The following CD207 variants were observed in gnomAD, a reference collection of about 807,000 sequenced individuals.
CD207 encodes the protein C-type lectin domain family 4 member K.
In CD207, 28 loss-of-function variants were observed where a neutral mutation model predicts 31.6. The ratio of observed to expected loss-of-function variants is 0.89; its 90% confidence interval spans 0.66 to 1.21. The LOEUF (loss-of-function observed/expected upper bound fraction) is 1.21. CD207 is among the 50% of genes most tolerant of loss of function. The probability of loss-of-function intolerance (pLI) is 0.00; values close to 1 mark genes in which losing one functional copy is unlikely to be tolerated. For synonymous variants in CD207, 168 were observed against 153.9 expected (o/e 1.09, Z -0.68); for missense variants, 388 against 397.8 (o/e 0.98, Z 0.21).
At chr2:70,825,042 G>T in the CD207 span, among the ~76,000 whole-genome samples, 1 of 151,740 alleles carries the variant, frequency 6.6e-6, no homozygotes, top group South Asian at 2.1e-4. Flanking sequence ...CAAGGTCAAC[G>T]CCAACAGTAA....
chr2:70,826,370 T>TAAATA (rs782453918), downstream of CD207, among the ~76,000 whole-genome samples: 1 of 103,328 alleles, frequency 9.7e-6, no homozygotes, highest in Non-Finnish European at 2.2e-5. Context: ...AATAAATAAA[T>TAAATA]AATTAAATTA....
downstream of CD207, among the ~76,000 whole-genome samples, chr2:70,827,282 T>C (rs1473422854): frequency 1.3e-5 from 2 of 152,036 alleles, no homozygotes; most frequent in Non-Finnish European, 2.9e-5. Flanking sequence ...GAGTTTATCA[T>C]AAATTGGGTA....
At chr2:70,833,319 G>A (rs72836215) in intron 3 of CD207, among the ~76,000 whole-genome samples, 15,633 of 152,192 alleles carry the variant, frequency 0.1, 990 homozygotes, top group African/African-American at 0.16. Flanking sequence ...ACCCTCCATC[G>A]GCCATGACAA....
chr2:70,831,173 A>G lies in CD207; in HGVS notation c.864T>C (p.Asn288=). The G allele has an allele frequency of 1.9e-6, 3 of 1,613,914 alleles. No homozygotes were observed. The highest frequency in any genetic ancestry group is 2.5e-6 in the Non-Finnish European group (3 of 1,179,832). Reference sequence around the variant, plus strand: ...TGCCACAGTGTTCATTGTTCCCAGCATTGTTGGGCTCACCTGGAATCCAGA... The same window carrying G: ...TGCCACAGTGTTCATTGTTCCCAGCGTTGTTGGGCTCACCTGGAATCCAGA... The part of the protein sequence containing the change: ...VRFWIPGEPN[N]AGNNEHCGNI... Residue 288 remains asparagine (N), a synonymous_variant, in exon 6 of 6, where the codon AAT becomes AAC. Transcript: ENST00000410009.
intron 3 of CD207, among the ~76,000 whole-genome samples, chr2:70,833,391 G>T (rs1677525468): frequency 6.6e-6 from 1 of 152,288 alleles, no homozygotes; most frequent in South Asian, 2.1e-4. Context: ...GTGGGCCAGG[G>T]TGGACATCCC....
At chr2:70,829,450 C>T (rs544347796), downstream of CD207, among the ~76,000 whole-genome samples, 4 of 152,300 alleles carry the variant, frequency 2.6e-5, no homozygotes, top group Admixed American at 1.3e-4. Flanking sequence ...TGAGATGCCC[C>T]GGATTCCTGT....
In CD207 at chr2:70,830,693, T is replaced by G. The variant is rs1553399528; in HGVS notation, c.*357A>C. 2 of 178,544 alleles carry G rather than the reference T, an allele frequency of 1.1e-5. No individual in the cohort carries two copies. Among genetic ancestry groups the G allele is most frequent in the Non-Finnish European group, 1.2e-5 (1 of 85,496 alleles). The allele number at this position is 178,544 out of a possible 1,614,324, so 11.1% of individuals were successfully genotyped here. On this transcript the variant is annotated 3_prime_UTR_variant, in exon 6 of 6. Coordinates refer to ENST00000410009, the MANE Select transcript of CD207 (RefSeq NM_015717.5). ...GACAATATCAGGAGAATTGCTTGGT[T>G]GCTCTGGAGTAACTTTGATGTGATG...
downstream of CD207, among the ~76,000 whole-genome samples, chr2:70,829,405 G>T (rs373216767): frequency 1.3e-5 from 2 of 152,342 alleles, no homozygotes; most frequent in East Asian, 3.9e-4. Flanking sequence ...AACCAGCCAG[G>T]GCTGTGGGAG....
chr2:70,833,892 C>A lies in CD207; in HGVS notation c.319G>T (p.Val107Phe). ...CTCTCATTCACCATCTGGATCTGAA[C>A]GCCAGCTGCCTCCATGCCGTCACTA... ...KNSDGMEAAGVQIQMVNESLG... is the reference protein window; with the variant it reads ...KNSDGMEAAGFQIQMVNESLG... Residue 107 changes from valine (V) to phenylalanine (F), a missense_variant, in exon 3 of 6, where the codon GTT (valine) becomes TTT (phenylalanine). Transcript: ENST00000410009. 6.2e-7 allele frequency: 1 copy of A among 1,607,306 alleles called. No homozygotes were observed. The highest frequency in any genetic ancestry group is 8.5e-7 in the Non-Finnish European group (1 of 1,175,470).
At chr2:70,835,359 G>A (rs1230929095) in intron 2 of CD207, 132 bp downstream of exon 2, 1 of 699,308 alleles carries the variant, frequency 1.4e-6, no homozygotes, top group Non-Finnish European at 2.6e-6. Flanking sequence ...CACATGGAAA[G>A]AGGAGGAAGG....
chr2:70,831,730 GT>G lies in CD207; in HGVS notation c.806del (p.Asp269AlafsTer10). On this transcript the variant is annotated frameshift_variant, in exon 5 of 6. Transcript: ENST00000410009. LOFTEE classifies it low-confidence loss of function (END_TRUNC). ...CACTTTGGACCTTGTTGAATGGCGT[GT>G]CATCCACCCAGGACCAGTCCCCTTC... is the stretch of plus-strand genomic sequence containing the variant. ...GMEGDWSWVD[D>X]TPFNKVQSVR... 6.2e-7 allele frequency: 1 copy of G among 1,612,866 alleles called. No individual in the cohort carries two copies. Among genetic ancestry groups the G allele is most frequent in the Non-Finnish European group, 8.5e-7 (1 of 1,178,862 alleles).
intron 2 of CD207, among the ~76,000 whole-genome samples, chr2:70,835,069 G>A (rs72911711): frequency 0.021 from 3,202 of 152,308 alleles, 119 homozygotes; most frequent in African/African-American, 0.073. Context: ...TGGTGAGCTG[G>A]GGCCAATGAT....
Position 70,835,498 on chromosome 2 carries a change from G to C in CD207, c.183C>G (p.Ala61=). 1 of 1,610,444 alleles carries C rather than the reference G, an allele frequency of 6.2e-7. No individual in the cohort carries two copies. Among genetic ancestry groups the C allele is most frequent in the Non-Finnish European group, 8.5e-7 (1 of 1,177,190 alleles). The change falls in exon 2 of 6, where the codon GCC becomes GCG. Residue 61 remains alanine, a synonymous_variant. Coordinates refer to ENST00000410009, the MANE Select transcript of CD207 (RefSeq NM_015717.5). ...LVLVASVLLQ[A]VLYPRFMGTI... ...TGAAACATGAGGACTTACAAAGGAC[G>C]GCCTGCAGCAGGACGGAGGCGACCA...
At position 70,835,736 on chromosome 2, in the gene CD207, A is replaced by C; in HGVS notation, c.41T>G (p.Val14Gly). 6.2e-7 allele frequency: 1 copy of C among 1,613,266 alleles called. No individual in the cohort carries two copies. Among genetic ancestry groups the C allele is most frequent in the Non-Finnish European group, 8.5e-7 (1 of 1,179,620 alleles). The change falls in exon 1 of 6, where the codon GTG becomes GGG. Residue 14 changes from valine (V) to glycine (G), a missense_variant. Coordinates refer to ENST00000410009, the MANE Select transcript of CD207 (RefSeq NM_015717.5). ...CCAGAGGGAGATGTTCTGTTTGTCCACAGTGAAGTGCGCATCAGGGGCCTC... is the reference window on the plus strand; with the variant it reads ...CCAGAGGGAGATGTTCTGTTTGTCCCCAGTGAAGTGCGCATCAGGGGCCTC... ...EKEAPDAHFT[V>G]DKQNISLWPR...
chr2:70,835,478 C>T lies in CD207; in HGVS notation c.190+13G>A. 1 of 1,592,542 alleles carries T rather than the reference C, an allele frequency of 6.3e-7. No homozygotes were observed. The highest frequency in any genetic ancestry group is 8.6e-7 in the Non-Finnish European group (1 of 1,161,310). On this transcript the variant is annotated intron_variant, in intron 2 of 5. Transcript: ENST00000410009. ...GAGGGGCTAAGCCCAGACGATGAAA[C>T]ATGAGGACTTACAAAGGACGGCCTG...
rs114086208 is a variant in CD207, at chr2:70,831,211, C to A, written c.837-11G>T. 6.3e-7 allele frequency: 1 copy of A among 1,590,680 alleles called. No individual in the cohort carries two copies. Among genetic ancestry groups the A allele is most frequent in the East Asian group, 2.2e-5 (1 of 44,652 alleles). On this transcript the variant is annotated splice_polypyrimidine_tract_variant and intron_variant, in intron 5 of 5. Coordinates refer to ENST00000410009, the MANE Select transcript of CD207 (RefSeq NM_015717.5). ...CCTGGAATCCAGAACCTACCAAGAG[C>A]GGGGAAAAAGATGGATTTACAAAGT... is the stretch of plus-strand genomic sequence containing the variant.
At chr2:70,828,973 T>G (rs1291878213), downstream of CD207, among the ~76,000 whole-genome samples, 1 of 152,166 alleles carries the variant, frequency 6.6e-6, no homozygotes, top group African/African-American at 2.4e-5. Context: ...CCTGTATTCA[T>G]GTCTTTCCCC....
chr2:70,832,218 C>T (rs1677492838), intron 4 of CD207, among the ~76,000 whole-genome samples: 1 of 152,320 alleles, frequency 6.6e-6, no homozygotes, highest in Non-Finnish European at 1.5e-5. Context: ...AGGCAGGTGC[C>T]ATCACCATGC....
downstream of CD207, among the ~76,000 whole-genome samples, chr2:70,827,392 T>C (rs1257806133): frequency 1.7e-4 from 26 of 151,412 alleles, 1 homozygote. Flanking sequence ...CTTGGAGGTC[T>C]GGGATGGGAA....
Sources: gnomAD v4.1 joint callset for allele counts (sites outside exome capture counted in the v4.1 genomes callset) on GRCh38, gnomAD v4.1.1 for gene constraint, MANE v1.5 for transcripts, NCBI Gene and HGNC (gene_info 2026-07-23, HGNC 2026-07-21) for gene names.